Variants in HYCC2 observed in about 807,000 individuals in gnomAD.
HYCC2 encodes hyccin PI4KA lipid kinase complex subunit 2.
At chr2:201,026,618 C>A in the HYCC2 span, among the ~76,000 whole-genome samples, 1 of 152,198 alleles carries the variant, frequency 6.6e-6, no homozygotes. Context: ...AACTGTCTTT[C>A]AGACCACAGT....
the HYCC2 span, chr2:201,023,561 A>G: frequency 6.5e-6 from 1 of 154,806 alleles, no homozygotes; most frequent in African/African-American, 2.4e-5. Context: ...CAAAACATTT[A>G]CAATTCCATA....
At chr2:201,048,071 G>A in the HYCC2 span, among the ~76,000 whole-genome samples, 2 of 152,132 alleles carry the variant, frequency 1.3e-5, no homozygotes, top group South Asian at 2.1e-4. Context: ...AACAGTATAA[G>A]GAAATGTTAA....
the HYCC2 span, chr2:201,009,564 AT>A: frequency 6.5e-6 from 1 of 153,600 alleles, no homozygotes; most frequent in Non-Finnish European, 1.4e-5. Context: ...GGTTTGAGTG[AT>A]TCCTGTGCCT....
the HYCC2 span, among the ~76,000 whole-genome samples, chr2:201,029,903 C>A: frequency 6.6e-6 from 1 of 152,130 alleles, no homozygotes; most frequent in Non-Finnish European, 1.5e-5. Context: ...ACGTTGTGCA[C>A]ATGTACCCTA....
At chr2:201,069,016 GA>G in the HYCC2 span, among the ~76,000 whole-genome samples, 48 of 150,772 alleles carry the variant, frequency 3.2e-4, no homozygotes, top group African/African-American at 1.0e-3. Flanking sequence ...TCTCTAAGGG[GA>G]AAAAAAAAGA....
the HYCC2 span, among the ~76,000 whole-genome samples, chr2:201,070,562 G>C: frequency 2.0e-5 from 3 of 152,062 alleles, no homozygotes; most frequent in Middle Eastern, 3.2e-3. Flanking sequence ...TGGGGCAGGA[G>C]AATGGCTTGA....
the HYCC2 span, among the ~76,000 whole-genome samples, chr2:201,028,951 C>T: frequency 1.3e-5 from 2 of 152,148 alleles, no homozygotes; most frequent in South Asian, 2.1e-4. Flanking sequence ...CCAAAATAGA[C>T]AAATGGGATC....
At chr2:201,001,748 C>T in the HYCC2 span, among the ~76,000 whole-genome samples, 2 of 152,096 alleles carry the variant, frequency 1.3e-5, no homozygotes, top group African/African-American at 2.4e-5. Context: ...TCTCGGCTCA[C>T]TGCAACCTCC....
the HYCC2 span, among the ~76,000 whole-genome samples, chr2:200,984,103 G>A: frequency 6.6e-6 from 1 of 151,944 alleles, no homozygotes; most frequent in East Asian, 1.9e-4. Context: ...GCAGTGGCAC[G>A]ATCACAGCCC....
the HYCC2 span, among the ~76,000 whole-genome samples, chr2:201,007,282 T>C: frequency 2.0e-5 from 3 of 152,288 alleles, no homozygotes; most frequent in Middle Eastern, 3.4e-3. Context: ...TTAATACATC[T>C]ACCCTACTGA....
chr2:201,070,816 C>T, the HYCC2 span, among the ~76,000 whole-genome samples: 2 of 152,100 alleles, frequency 1.3e-5, no homozygotes, highest in East Asian at 3.8e-4. Context: ...TTAAAGGATT[C>T]CCCACTTTTC....
At chr2:201,057,279 CTCTT>C in the HYCC2 span, among the ~76,000 whole-genome samples, 3 of 152,216 alleles carry the variant, frequency 2.0e-5, no homozygotes, top group Admixed American at 2.0e-4. Flanking sequence ...TTTGTCTATC[CTCTT>C]TAAGTCAAAT....
At chr2:201,009,596 A>G in the HYCC2 span, 1 of 152,848 alleles carries the variant, frequency 6.5e-6, no homozygotes, top group Admixed American at 6.5e-5. Context: ...AGTAGCTGGC[A>G]TTACAGGTAC....
the HYCC2 span, chr2:200,981,772 G>A: frequency 3.0e-5 from 49 of 1,613,986 alleles, no homozygotes; most frequent in Non-Finnish European, 4.2e-5. This position sits in a 1 kb window ranked among gnomAD's most constrained non-coding sequence, Gnocchi z 4.5. Flanking sequence ...GGATGGTTTG[G>A]TCCCAATTGG....
the HYCC2 span, among the ~76,000 whole-genome samples, chr2:201,070,184 CATTTT>C: frequency 2.0e-5 from 3 of 151,958 alleles, no homozygotes; most frequent in Admixed American, 1.3e-4. Context: ...TTTAATTCTA[CATTTT>C]ATTGTGGAAA....
chr2:201,013,479 CAAA>C, the HYCC2 span, among the ~76,000 whole-genome samples: 4 of 66,296 alleles, frequency 6.0e-5, no homozygotes, highest in Non-Finnish European at 3.3e-5. Flanking sequence ...CACTCCATTT[CAAA>C]AAAAAAAAAA....
the HYCC2 span, among the ~76,000 whole-genome samples, chr2:201,044,139 T>C: frequency 6.6e-6 from 1 of 152,270 alleles, no homozygotes; most frequent in Admixed American, 6.5e-5. Context: ...TATTCCAGCA[T>C]GCAGCTTAAT....
chr2:201,000,511 C>T, the HYCC2 span, among the ~76,000 whole-genome samples: 1 of 152,018 alleles, frequency 6.6e-6, no homozygotes, highest in Non-Finnish European at 1.5e-5. Flanking sequence ...CAAGTAAATA[C>T]CAGAATGCCA....
chr2:201,013,074 A>G, the HYCC2 span, among the ~76,000 whole-genome samples: 1 of 152,106 alleles, frequency 6.6e-6, no homozygotes, highest in Non-Finnish European at 1.5e-5. Context: ...TACAACTCAT[A>G]TTAGCATACA....
Sources: gnomAD v4.1 joint callset for allele counts (sites outside exome capture counted in the v4.1 genomes callset) on GRCh38, gnomAD v4.1.1 for gene constraint, Gnocchi (gnomAD v3.1) non-coding constraint, MANE v1.5 for transcripts, NCBI Gene and HGNC (gene_info 2026-07-23, HGNC 2026-07-21) for gene names.